The following DCLK1 variants were observed in gnomAD, a reference collection of about 807,000 sequenced individuals.
DCLK1 encodes the protein serine/threonine-protein kinase DCLK1.
A neutral mutation model predicts 86.2 loss-of-function variants in DCLK1; 16 were observed. That is an observed-to-expected ratio of 0.19 (90% CI 0.13 to 0.28). The LOEUF (loss-of-function observed/expected upper bound fraction) is 0.28. Ranked by LOEUF, DCLK1 falls within the 10% of genes least tolerant of loss-of-function variation. The probability of loss-of-function intolerance (pLI) is 1.00; values close to 1 mark genes in which losing one functional copy is unlikely to be tolerated. For missense variants in DCLK1, 590 were observed against 940.2 expected (o/e 0.63, Z 4.87); for synonymous variants, 369 against 370.5 (o/e 1.00, Z 0.05).
intron 16 of DCLK1, among the ~76,000 whole-genome samples, chr13:35,782,165 G>A (rs538898700): frequency 3.3e-5 from 5 of 152,214 alleles, no homozygotes; most frequent in African/African-American, 9.6e-5. Context: ...TTATGCTTCT[G>A]CACTACTAAT....
intron 16 of DCLK1, chr13:35,788,389 A>AAT: frequency 5.9e-6 from 6 of 1,018,840 alleles, no homozygotes; most frequent in African/African-American, 1.6e-5. Flanking sequence ...ATATATAGTT[A>AAT]CGATGCCTCT....
intron 2 of DCLK1, among the ~76,000 whole-genome samples, chr13:36,124,935 A>C (rs1886116274): frequency 1.3e-5 from 2 of 152,144 alleles, no homozygotes. Flanking sequence ...TTAATTGGCG[A>C]TGATTTCTAA....
intron 3 of DCLK1, among the ~76,000 whole-genome samples, chr13:35,967,050 G>C (rs1439388856): frequency 6.6e-6 from 1 of 151,806 alleles, no homozygotes; most frequent in Non-Finnish European, 1.5e-5. Flanking sequence ...ATCCCGTCTA[G>C]GAAGTGAGGA....
chr13:35,847,566 A>G, intron 6 of DCLK1: 1 of 973,114 alleles, frequency 1.0e-6, no homozygotes, highest in East Asian at 1.2e-4. Context: ...TATTCTATAT[A>G]TTCATTCACT....
intron 11 of DCLK1, among the ~76,000 whole-genome samples, chr13:35,811,591 T>C (rs894841294): frequency 2.0e-5 from 3 of 152,166 alleles, no homozygotes; most frequent in African/African-American, 7.2e-5. Flanking sequence ...CCCAGCACTT[T>C]GGGAGGCCAA....
intron 3 of DCLK1, among the ~76,000 whole-genome samples, chr13:36,087,942 G>A (rs1406990908): frequency 6.6e-6 from 1 of 152,156 alleles, no homozygotes; most frequent in African/African-American, 2.4e-5. Context: ...GAAGTCTTGG[G>A]TAGCACTAGA....
At chr13:35,814,401 GAAAATGCCAAATCCT>G in intron 11 of DCLK1, among the ~76,000 whole-genome samples, 1 of 152,172 alleles carries the variant, frequency 6.6e-6, no homozygotes, top group African/African-American at 2.4e-5. Flanking sequence ...AGTTCACATT[GAAAATGCCAAATCCT>G]TGGCTTAGAC....
rs1438431510 is a variant in DCLK1 at position 36,004,850 on chromosome 13, T to G, written c.724-57393A>C. 2.6e-5 allele frequency among the ~76,000 whole-genome samples: 4 copies of G among 152,224 alleles called. No individual in the cohort carries two copies. In the East Asian group the frequency reaches 5.8e-4, roughly 22 times the overall value. ...GCCTCGGCCTCCCAAAGTGCTGGGA[T>G]TACAGGCGTGAGCCACCGCACCTGG... is the stretch of plus-strand genomic sequence containing the variant. On this transcript the variant is annotated intron_variant, in intron 3 of 16. Coordinates refer to ENST00000360631, the MANE Select transcript of DCLK1 (RefSeq NM_001330071.2).
chr13:35,974,136 A>T (rs1467462411), intron 3 of DCLK1, among the ~76,000 whole-genome samples: 1 of 152,376 alleles, frequency 6.6e-6, no homozygotes, highest in East Asian at 1.9e-4. Context: ...AGGAAAAAGT[A>T]ACTAACATTC....
intron 4 of DCLK1, among the ~76,000 whole-genome samples, chr13:35,884,145 T>C (rs1873087042): frequency 6.6e-6 from 1 of 151,808 alleles, no homozygotes; most frequent in Admixed American, 6.6e-5. Flanking sequence ...GATAAGAAAA[T>C]TACCAAGGGA....
rs142763486 is a variant in DCLK1, at chr13:35,802,091, T to A, written c.1944+3608A>T. On this transcript the variant is annotated intron_variant, in intron 15 of 16. Transcript: ENST00000360631. ...ACTACCCTGGAACTGTCTGGTTGTATCAGACTTTGTTCCTAGAAGGCAGGG... is the reference window on the plus strand; with the variant it reads ...ACTACCCTGGAACTGTCTGGTTGTAACAGACTTTGTTCCTAGAAGGCAGGG... Among the ~76,000 whole-genome samples, 230 of 152,282 alleles carry A rather than the reference T, an allele frequency of 1.5e-3. 1 individual carries two copies. The highest frequency in any genetic ancestry group is 5.4e-3 in the African/African-American group (224 of 41,558).
rs140813113 is a variant in DCLK1, at chr13:36,057,296, T to C, written c.723+54573A>G. ...TTTTCCTTCCCTTCAAAATGATTTA[T>C]TCTTTCAAAGGAGTAACTTCACCCC... is the stretch of plus-strand genomic sequence containing the variant. On this transcript the variant is annotated intron_variant, in intron 3 of 16. Coordinates refer to ENST00000360631, the MANE Select transcript of DCLK1 (RefSeq NM_001330071.2). 1.0e-3 allele frequency among the ~76,000 whole-genome samples: 155 copies of C among 152,244 alleles called. 6 individuals are homozygous for C. In the East Asian group the frequency reaches 0.029, roughly 29 times the overall value.
At chr13:35,867,939 A>AAGAAAGAAAGAG (rs1871952430) in intron 5 of DCLK1, among the ~76,000 whole-genome samples, 1 of 140,570 alleles carries the variant, frequency 7.1e-6, no homozygotes, top group Admixed American at 7.2e-5. Context: ...GAAAGAAAGA[A>AAGAAAGAAAGAG]AGAAAGAAAG....
chr13:35,838,068 A>AAAAAAAAAAAAAAAT (rs1869521879), intron 7 of DCLK1, among the ~76,000 whole-genome samples: 1 of 151,248 alleles, frequency 6.6e-6, no homozygotes, highest in Non-Finnish European at 1.5e-5. Context: ...TCCATCTCAA[A>AAAAAAAAAAAAAAAT]AAAAAAAAGA....
intron 5 of DCLK1, among the ~76,000 whole-genome samples, chr13:35,867,879 G>GAGAC (rs144863762): frequency 1.6e-5 from 2 of 122,670 alleles, no homozygotes; most frequent in Non-Finnish European, 1.7e-5. Flanking sequence ...AAGAGAGAGG[G>GAGAC]AGAGAGAGAG....
chr13:35,830,303 A>G (rs1868849345), intron 8 of DCLK1, among the ~76,000 whole-genome samples: 1 of 152,134 alleles, frequency 6.6e-6, no homozygotes, highest in Non-Finnish European at 1.5e-5. Context: ...AGGCAGGAAG[A>G]TTGCTTGAGC....
chr13:35,813,617 A>G (rs1268143945), intron 11 of DCLK1, among the ~76,000 whole-genome samples: 1 of 152,138 alleles, frequency 6.6e-6, no homozygotes, highest in East Asian at 1.9e-4. Context: ...TATTAAAAGT[A>G]ATAATAAGTC....
rs561899112 is a variant in DCLK1 at position 35,892,918 on chromosome 13, T to C, written c.824-21578A>G. On this transcript the variant is annotated intron_variant, in intron 4 of 16. Transcript: ENST00000360631. ...GCTGCAAGCATAAATGGAAAGCCCT[T>C]GGTATCCCAGAGGAAGAAAGAGGCA... 2.0e-5 allele frequency among the ~76,000 whole-genome samples: 3 copies of C among 152,320 alleles called. No individual in the cohort carries two copies. The South Asian group carries it at 6.2e-4, about 32-fold the overall frequency.
intron 3 of DCLK1, among the ~76,000 whole-genome samples, chr13:36,017,736 C>T (rs1289457733): frequency 6.6e-6 from 1 of 152,282 alleles, no homozygotes; most frequent in East Asian, 1.9e-4. Flanking sequence ...TCAAAATTTA[C>T]TGTTTATCTA....
Sources: gnomAD v4.1 joint callset for allele counts (sites outside exome capture counted in the v4.1 genomes callset) on GRCh38, gnomAD v4.1.1 for gene constraint, MANE v1.5 for transcripts, NCBI Gene and HGNC (gene_info 2026-07-23, HGNC 2026-07-21) for gene names.